Variants in ZNF536 observed in about 807,000 individuals in gnomAD.
The protein encoded by ZNF536 is zinc finger protein 536.
In ZNF536, 13 loss-of-function variants were observed where a neutral mutation model predicts 84.5. The observed-to-expected ratio is 0.15, with a 90% CI of 0.10 to 0.24. The LOEUF (loss-of-function observed/expected upper bound fraction) is 0.24, where lower values mean the gene tolerates loss of function less well. ZNF536 is among the 10% of genes least tolerant of loss of function. ZNF536 has a pLI of 1.00. For missense variants in ZNF536, 1,536 were observed against 1,747.5 expected (o/e 0.88, Z 2.16); for synonymous variants, 811 against 742.5 (o/e 1.09, Z -1.50).
intron 1 of ZNF536, among the ~76,000 whole-genome samples, chr19:30,393,666 C>T (rs573513814): frequency 6.6e-6 from 1 of 152,114 alleles, no homozygotes; most frequent in South Asian, 2.1e-4. Flanking sequence ...GAGGGAACAG[C>T]AAGTGCACAG....
intron 1 of ZNF536, among the ~76,000 whole-genome samples, chr19:30,689,540 G>T (rs1416232228): frequency 6.6e-6 from 1 of 152,222 alleles, no homozygotes; most frequent in Non-Finnish European, 1.5e-5. Flanking sequence ...CTGATGGGTT[G>T]TGGCTATTCC....
At chr19:30,347,107 CTT>C (rs749712758) in intron 2 of ZNF536, among the ~76,000 whole-genome samples, 2 of 73,782 alleles carry the variant, frequency 2.7e-5, no homozygotes. Context: ...TGTTGAAGGG[CTT>C]TTTTTTTTTT....
chr19:30,458,870 C>T (rs2052999698), intron 2 of ZNF536, among the ~76,000 whole-genome samples: 1 of 152,212 alleles, frequency 6.6e-6, no homozygotes, highest in South Asian at 2.1e-4. Context: ...CCCCTTCCAC[C>T]TCCCATCTCT....
At chr19:30,667,342 G>A (rs2050365921) in intron 1 of ZNF536, among the ~76,000 whole-genome samples, 1 of 152,178 alleles carries the variant, frequency 6.6e-6, no homozygotes, top group Non-Finnish European at 1.5e-5. Flanking sequence ...CTTGCCTGGT[G>A]GAAAAGCTGG....
chr19:30,250,950 G>C (rs1457813429), intron 1 of ZNF536, among the ~76,000 whole-genome samples: 2 of 151,562 alleles, frequency 1.3e-5, no homozygotes, highest in Non-Finnish European at 2.9e-5. Flanking sequence ...TTTTTGAGGA[G>C]TTTCCAAAGC....
chr19:30,624,773 C>T (rs1482734935), intron 1 of ZNF536, among the ~76,000 whole-genome samples: 1 of 152,106 alleles, frequency 6.6e-6, no homozygotes, highest in Non-Finnish European at 1.5e-5. Flanking sequence ...GTTGTAATTC[C>T]TATAATCTCT....
At chr19:30,249,719 C>A (rs955416272) in intron 1 of ZNF536, among the ~76,000 whole-genome samples, 5 of 152,168 alleles carry the variant, frequency 3.3e-5, no homozygotes, top group Admixed American at 6.5e-5. Flanking sequence ...GGAAACCCCC[C>A]ACCCTGCCTC....
At chr19:30,359,049 C>T (rs1041672483) in intron 3 of ZNF536, among the ~76,000 whole-genome samples, 4 of 152,232 alleles carry the variant, frequency 2.6e-5, no homozygotes, top group East Asian at 1.9e-4. Context: ...TACCACCTAG[C>T]TTCCATCCAT....
downstream of ZNF536, among the ~76,000 whole-genome samples, chr19:30,562,826 C>T (rs2046220131): frequency 1.3e-5 from 2 of 152,170 alleles, no homozygotes; most frequent in East Asian, 3.9e-4. Flanking sequence ...GTGACCATCC[C>T]ACTTTTCCAT....
chr19:30,704,016 C>A (rs1293145136), intron 1 of ZNF536, among the ~76,000 whole-genome samples: 2 of 152,108 alleles, frequency 1.3e-5, no homozygotes, highest in Admixed American at 1.3e-4. Context: ...AGAAGGAGTG[C>A]CCTGAAAGTA....
chr19:30,470,095 G>A (rs973264758), intron 2 of ZNF536, among the ~76,000 whole-genome samples: 1 of 152,244 alleles, frequency 6.6e-6, no homozygotes, highest in Non-Finnish European at 1.5e-5. Flanking sequence ...AGTCCTGAGG[G>A]AGGGGTTTGG....
At chr19:30,308,055 G>A (rs1411930321) in intron 2 of ZNF536, among the ~76,000 whole-genome samples, 1 of 152,180 alleles carries the variant, frequency 6.6e-6, no homozygotes, top group East Asian at 1.9e-4. Context: ...TTATGCTAAG[G>A]CCTGTATTAA....
At chr19:30,522,817 T>C (rs543587481) in intron 2 of ZNF536, among the ~76,000 whole-genome samples, 104 of 152,342 alleles carry the variant, frequency 6.8e-4, no homozygotes, top group African/African-American at 2.4e-3. Context: ...GTTGATTATT[T>C]ATTTTAATAT....
At chr19:30,696,764 G>T (rs894267067) in intron 1 of ZNF536, among the ~76,000 whole-genome samples, 21 of 152,172 alleles carry the variant, frequency 1.4e-4, no homozygotes, top group African/African-American at 4.8e-4. Flanking sequence ...GCTGAGCTGG[G>T]AGGCATGGGA....
At chr19:30,566,635 G>A (rs1344842424) in intron 1 of ZNF536, among the ~76,000 whole-genome samples, 1 of 150,912 alleles carries the variant, frequency 6.6e-6, no homozygotes, top group East Asian at 2.0e-4. Flanking sequence ...GCCTCTCCGG[G>A]CAGTGGGGGG....
intron 2 of ZNF536, among the ~76,000 whole-genome samples, chr19:30,468,843 G>A (rs1376772625): frequency 6.6e-6 from 1 of 152,146 alleles, no homozygotes; most frequent in African/African-American, 2.4e-5. Context: ...GGGGAGCTTT[G>A]GCTTTGGGGG....
intron 1 of ZNF536, among the ~76,000 whole-genome samples, chr19:30,699,029 G>C (rs1261351598): frequency 6.6e-6 from 1 of 152,180 alleles, no homozygotes; most frequent in East Asian, 1.9e-4. Context: ...TTACTCAAAT[G>C]GTTCTACCTT....
intron 1 of ZNF536, among the ~76,000 whole-genome samples, chr19:30,266,835 C>G (rs1164623756): frequency 6.6e-6 from 1 of 151,994 alleles, no homozygotes; most frequent in African/African-American, 2.4e-5. Context: ...TTTTCTTGAT[C>G]ATATTTTAAC....
In ZNF536 at chr19:30,530,557, G is replaced by A. The variant is rs566731129; in HGVS notation, c.2171-4290G>A. ...AAATGGCGTTTTACCATGTTGGCCAGGCTCGTCTCAAACTCCTGACCTCAG... is the reference window on the plus strand; with the variant it reads ...AAATGGCGTTTTACCATGTTGGCCAAGCTCGTCTCAAACTCCTGACCTCAG... On this transcript the variant is annotated intron_variant, in intron 2 of 4. Coordinates refer to ENST00000355537, the MANE Select transcript of ZNF536 (RefSeq NM_014717.3). Among the ~76,000 whole-genome samples the A allele has an allele frequency of 3.3e-5, 5 of 152,282 alleles. No individual in the cohort carries two copies. The East Asian group carries it at 9.6e-4, about 29-fold the overall frequency.
Sources: allele counts gnomAD v4.1 joint callset (sites outside exome capture counted in the v4.1 genomes callset), GRCh38; gene constraint gnomAD v4.1.1; transcripts MANE v1.5; gene names NCBI Gene and HGNC (gene_info 2026-07-23, HGNC 2026-07-21).